CDIN1: variants seen among roughly 807,000 people sequenced by gnomAD.
CDIN1 encodes CDAN1-interacting nuclease 1.
In CDIN1, 33 loss-of-function variants were observed where a neutral mutation model predicts 45.3. The observed-to-expected ratio is 0.73, with a 90% CI of 0.55 to 0.97. The LOEUF (loss-of-function observed/expected upper bound fraction) is 0.97, where lower values mean the gene tolerates loss of function less well. Ranked by LOEUF, CDIN1 falls within the 50% of genes least tolerant of loss-of-function variation. The probability of loss-of-function intolerance (pLI) is 0.00; values close to 1 mark genes in which losing one functional copy is unlikely to be tolerated. For synonymous variants in CDIN1, 118 were observed against 124.4 expected, an observed-to-expected ratio of 0.95 and a Z score of 0.34; for missense variants, 303 against 339.4, an observed-to-expected ratio of 0.89 and a Z score of 0.84.
chr15:36,658,123 C>T (rs190555032), intron 5 of CDIN1: 3 of 440,270 alleles, frequency 6.8e-6, no homozygotes, highest in Admixed American at 7.7e-5. Flanking sequence ...CTCAACCTCT[C>T]CATTGAGCTA....
intron 1 of CDIN1, chr15:36,594,851 T>C (rs943960601): frequency 1.3e-4 from 132 of 982,982 alleles, no homozygotes; most frequent in Non-Finnish European, 1.5e-4. Context: ...GAAGCTTATT[T>C]ATAGCAAGTT....
chr15:36,691,998 T>C (rs969601055), intron 6 of CDIN1, 128 bp from the exon 7 acceptor site: 5 of 982,934 alleles, frequency 5.1e-6, no homozygotes, highest in Non-Finnish European at 7.3e-6. Flanking sequence ...GAACCGCCTT[T>C]TGATAGCTTT....
intron 10 of CDIN1, among the ~76,000 whole-genome samples, chr15:36,728,966 G>T (rs961541681): frequency 1.3e-5 from 2 of 152,276 alleles, no homozygotes; most frequent in East Asian, 1.9e-4. Context: ...GAGCCACCAC[G>T]CCTAGCCAAA....
chr15:36,698,466 C>T (rs542143206), intron 8 of CDIN1, among the ~76,000 whole-genome samples: 1 of 152,168 alleles, frequency 6.6e-6, no homozygotes, highest in Admixed American at 6.5e-5. Flanking sequence ...CATATGGGGA[C>T]AGTTGAATTG....
chr15:36,774,168 G>A (rs1260417277), intron 10 of CDIN1, among the ~76,000 whole-genome samples: 1 of 149,186 alleles, frequency 6.7e-6, no homozygotes, highest in African/African-American at 2.6e-5. Context: ...GTGTGTGCGC[G>A]CGCGCGCATG....
intron 10 of CDIN1, among the ~76,000 whole-genome samples, chr15:36,725,974 C>T (rs1318425267): frequency 2.0e-5 from 3 of 152,060 alleles, no homozygotes; most frequent in Non-Finnish European, 2.9e-5. Flanking sequence ...TTGCACTTTG[C>T]AAAGTGTGGA....
At chr15:36,688,733 T>G (rs2042143149) in intron 5 of CDIN1, among the ~76,000 whole-genome samples, 1 of 152,210 alleles carries the variant, frequency 6.6e-6, no homozygotes, top group Non-Finnish European at 1.5e-5. Flanking sequence ...ATGACAAGGT[T>G]GTCCAGTCGC....
rs539236485 is a variant in CDIN1, at chr15:36,612,311, T to C, written c.102-31967T>C. ...TGCCACAGTCTTAACTGTGGGCTGATAGAATGGTGAGCTGACAGGAGCCTG... is the reference window on the plus strand; with the variant it reads ...TGCCACAGTCTTAACTGTGGGCTGACAGAATGGTGAGCTGACAGGAGCCTG... On this transcript the variant is annotated intron_variant, in intron 1 of 10. Coordinates refer to ENST00000566621, the MANE Select transcript of CDIN1 (RefSeq NM_001321759.2). Among the ~76,000 whole-genome samples the C allele has an allele frequency of 1.9e-4, 29 of 152,266 alleles. 1 individual carries two copies. The South Asian group carries it at 5.4e-3, about 28-fold the overall frequency.
intron 10 of CDIN1, among the ~76,000 whole-genome samples, chr15:36,739,570 C>T (rs2044159184): frequency 6.6e-6 from 1 of 152,156 alleles, no homozygotes; most frequent in Non-Finnish European, 1.5e-5. Context: ...TATATGTTAT[C>T]AGTATGTTTG....
intron 1 of CDIN1, chr15:36,617,697 A>G (rs900921531): frequency 5.2e-6 from 4 of 773,744 alleles, no homozygotes; most frequent in Non-Finnish European, 9.5e-6. Context: ...TGTGATTCTT[A>G]GAGAGATTCC....
chr15:36,608,323 A>G (rs772678278), intron 1 of CDIN1, among the ~76,000 whole-genome samples: 1 of 152,198 alleles, frequency 6.6e-6, no homozygotes, highest in African/African-American at 2.4e-5. Flanking sequence ...TCTCAGAATC[A>G]TCAATAACAC....
chr15:36,786,148 C>G (rs1473968110), intron 10 of CDIN1, among the ~76,000 whole-genome samples: 1 of 152,150 alleles, frequency 6.6e-6, no homozygotes, highest in Non-Finnish European at 1.5e-5. Context: ...GCATGCATGT[C>G]CTTAATACAA....
chr15:36,745,833 G>A (rs1167877178), intron 10 of CDIN1, among the ~76,000 whole-genome samples: 2 of 152,092 alleles, frequency 1.3e-5, no homozygotes, highest in African/African-American at 4.8e-5. Context: ...AGGCGTGGGG[G>A]TGGATGCCTG....
At chr15:36,758,433 G>C (rs1301340040) in intron 10 of CDIN1, among the ~76,000 whole-genome samples, 1 of 152,162 alleles carries the variant, frequency 6.6e-6, no homozygotes, top group Non-Finnish European at 1.5e-5. Context: ...TTGCCTCTCT[G>C]TGCCTCAGTT....
intron 5 of CDIN1, among the ~76,000 whole-genome samples, chr15:36,661,916 TC>T (rs2041030811): frequency 6.6e-6 from 1 of 152,192 alleles, no homozygotes; most frequent in South Asian, 2.1e-4. Context: ...GTCTAAATGT[TC>T]AGTCCTTTTA....
intron 10 of CDIN1, among the ~76,000 whole-genome samples, chr15:36,771,928 A>G (rs1301821057): frequency 3.1e-4 from 2 of 6,362 alleles, no homozygotes; most frequent in African/African-American, 3.6e-4. Context: ...ACTCAGTCTC[A>G]AAAAAAAAAA....
chr15:36,638,258 C>T (rs985996516), intron 1 of CDIN1, among the ~76,000 whole-genome samples: 2 of 152,030 alleles, frequency 1.3e-5, no homozygotes, highest in Admixed American at 1.3e-4. Context: ...ACACATCAGA[C>T]ATAGAGCAAA....
rs1038972047 is a variant in CDIN1, at chr15:36,810,055, A to G, written c.*1602A>G. 6.6e-6 allele frequency: 1 copy of G among 152,036 alleles called. No homozygotes were observed. Among genetic ancestry groups the G allele is most frequent in the Admixed American group, 6.6e-5 (1 of 15,258 alleles). The allele number at this position is 152,036 out of a possible 1,614,324, so 9.4% of individuals were successfully genotyped here. ...CCTGGATACACACACACACACACAC[A>G]CACACTTTATACAAAAATGTTAAAA... On this transcript the variant is annotated 3_prime_UTR_variant, in exon 11 of 11. Coordinates refer to ENST00000566621, the MANE Select transcript of CDIN1 (RefSeq NM_001321759.2).
At chr15:36,753,619 TAA>T (rs11350121) in intron 10 of CDIN1, among the ~76,000 whole-genome samples, 25,099 of 146,228 alleles carry the variant, frequency 0.17, 2,371 homozygotes, top group East Asian at 0.3. Flanking sequence ...ACTTTTTTAT[TAA>T]AAAAAAAAAA....
Sources: allele counts gnomAD v4.1 joint callset (sites outside exome capture counted in the v4.1 genomes callset), GRCh38; gene constraint gnomAD v4.1.1; transcripts MANE v1.5; gene names NCBI Gene and HGNC (gene_info 2026-07-23, HGNC 2026-07-21).